The following PDXDC1 variants were observed in gnomAD, a reference collection of about 807,000 sequenced individuals.
PDXDC1 encodes pyridoxal dependent decarboxylase domain containing 1, also known as pyridoxal-dependent decarboxylase domain-containing protein 1.
A neutral mutation model predicts 100.1 loss-of-function variants in PDXDC1; 42 were observed. That is an observed-to-expected ratio of 0.42 (90% CI 0.33 to 0.54). The LOEUF is 0.54. Ranked by LOEUF, PDXDC1 falls within the 20% of genes least tolerant of loss-of-function variation. The pLI, the probability that PDXDC1 is intolerant of heterozygous loss-of-function variation, is 0.10. For missense variants in PDXDC1, 636 were observed against 979.2 expected (o/e 0.65, Z 4.68); for synonymous variants, 260 against 371.7 (o/e 0.70, Z 3.46).
chr16:15,077,746 C>CA (rs2045523870), intron 16 of PDXDC1, among the ~76,000 whole-genome samples: 1 of 152,214 alleles, frequency 6.6e-6, no homozygotes. Context: ...GAGGCTGAGG[C>CA]AGGAGAACTG....
chr16:15,074,992 A>G (rs2045390192), intron 16 of PDXDC1: 2 of 910,624 alleles, frequency 2.2e-6, no homozygotes, highest in Admixed American at 2.9e-5. Context: ...GCTCACATCT[A>G]TAAGCCCAGC....
downstream of PDXDC1, among the ~76,000 whole-genome samples, chr16:15,140,021 C>T (rs143711784): frequency 0.01 from 1,279 of 124,924 alleles, 25 homozygotes; most frequent in African/African-American, 0.036. Flanking sequence ...CACGTGAACC[C>T]GGGAGGCGAA....
chr16:15,101,379 C>T (rs1053954787), intron 16 of PDXDC1, among the ~76,000 whole-genome samples: 12 of 152,290 alleles, frequency 7.9e-5, no homozygotes, highest in African/African-American at 2.2e-4. Context: ...TGCAGTGGCA[C>T]GATCTCGGCT....
At chr16:15,061,032 A>G (rs2044691574) in intron 16 of PDXDC1, 1 of 152,130 alleles carries the variant, frequency 6.6e-6, no homozygotes, top group Non-Finnish European at 1.5e-5. Context: ...TGTCTTTTAA[A>G]TCCATTTTTT....
At chr16:15,092,754 A>T (rs1251616264) in intron 16 of PDXDC1, 1 of 634,622 alleles carries the variant, frequency 1.6e-6, no homozygotes, top group African/African-American at 1.8e-5. Flanking sequence ...ACTCTTAACC[A>T]ACAATCCTTC....
At chr16:15,125,237 T>C (rs208651) in intron 16 of PDXDC1, 73 of 560,892 alleles carry the variant, frequency 1.3e-4, no homozygotes, top group Middle Eastern at 9.4e-4. Context: ...AAGTGGGGGT[T>C]GTGCCGCAGA....
intron 16 of PDXDC1, among the ~76,000 whole-genome samples, chr16:15,099,780 T>C (rs991708715): frequency 2.0e-5 from 3 of 152,240 alleles, no homozygotes; most frequent in African/African-American, 7.2e-5. Flanking sequence ...TGTAATCAGC[T>C]TCTTCATTCC....
intron 8 of PDXDC1, among the ~76,000 whole-genome samples, chr16:15,012,155 G>A (rs182767462): frequency 1.3e-5 from 2 of 152,150 alleles, no homozygotes; most frequent in Non-Finnish European, 2.9e-5. Flanking sequence ...CCAGACTAGA[G>A]TGCAGTGGTG....
At chr16:15,060,955 T>C (rs1205912626) in intron 16 of PDXDC1, 1 of 152,272 alleles carries the variant, frequency 6.6e-6, no homozygotes, top group Admixed American at 6.5e-5. Context: ...TCCAATCTCA[T>C]GTGTTTTACA....
At chr16:15,145,111 A>G in the PDXDC1 span, among the ~76,000 whole-genome samples, 6 of 152,150 alleles carry the variant, frequency 3.9e-5, no homozygotes, top group Admixed American at 6.5e-5. Context: ...ACCATCCCCC[A>G]AACACCTCCC....
At chr16:15,044,412 CAA>C in intron 16 of PDXDC1, 1 of 1,609,942 alleles carries the variant, frequency 6.2e-7, no homozygotes. Context: ...TCCAGCCTGG[CAA>C]AGAGATGAGA....
intron 13 of PDXDC1, chr16:15,026,298 G>T (rs1184041291): frequency 9.0e-6 from 3 of 334,100 alleles, no homozygotes; most frequent in Non-Finnish European, 1.5e-5. Flanking sequence ...GAAAGCATGG[G>T]CTCTCTCCGC....
the PDXDC1 span, among the ~76,000 whole-genome samples, chr16:15,149,973 A>G: frequency 1.3e-5 from 2 of 152,304 alleles, no homozygotes; most frequent in East Asian, 3.9e-4. Flanking sequence ...AGACACAGCG[A>G]GAAATCCAGG....
rs546605215 is a variant in PDXDC1 at position 15,035,827 on chromosome 16, G to A, written c.2108-189G>A. Among the ~76,000 whole-genome samples the A allele has an allele frequency of 3.9e-5, 6 of 152,190 alleles. No homozygotes were observed. The South Asian group carries it at 8.3e-4, about 21-fold the overall frequency. On this transcript the variant is annotated intron_variant, in intron 22 of 22. Coordinates refer to ENST00000396410, the MANE Select transcript of PDXDC1 (RefSeq NM_015027.4). Reference sequence around the variant, plus strand: ...AATGAAGATGACCTTAGAGTTCCCCGGCCTGGGGAGCATGTTGGTGTCAAG... The same window carrying A: ...AATGAAGATGACCTTAGAGTTCCCCAGCCTGGGGAGCATGTTGGTGTCAAG...
intron 16 of PDXDC1, chr16:15,104,614 G>C (rs767211531): frequency 1.3e-6 from 2 of 1,598,970 alleles, no homozygotes; most frequent in Non-Finnish European, 8.5e-7. Flanking sequence ...GGTGTCTTGA[G>C]GCTCAGGGAG....
At chr16:15,057,087 G>A (rs1044996799) in intron 16 of PDXDC1, among the ~76,000 whole-genome samples, 2 of 152,086 alleles carry the variant, frequency 1.3e-5, no homozygotes, top group Non-Finnish European at 2.9e-5. Flanking sequence ...AGATACAGAG[G>A]AGCCACATGA....
chr16:15,022,791 C>T, intron 13 of PDXDC1, 37 bp downstream of exon 13: 2 of 1,528,082 alleles, frequency 1.3e-6, no homozygotes, highest in South Asian at 1.2e-5. Flanking sequence ...CAAAATATAA[C>T]TTTTTTTGAA....
chr16:15,016,642 G>C (rs57473091), intron 9 of PDXDC1, among the ~76,000 whole-genome samples: 6,176 of 151,478 alleles, frequency 0.041, 63 homozygotes, highest in African/African-American at 0.068. Context: ...TCTGATAGTT[G>C]AGGTTCTTTG....
chr16:15,072,630 C>G (rs943238991), intron 16 of PDXDC1, among the ~76,000 whole-genome samples: 2 of 152,072 alleles, frequency 1.3e-5, no homozygotes, highest in African/African-American at 4.8e-5. Flanking sequence ...TGGCGAAACC[C>G]CACCTCTTCT....
Sources: allele counts gnomAD v4.1 joint callset (sites outside exome capture counted in the v4.1 genomes callset), GRCh38; gene constraint gnomAD v4.1.1; transcripts MANE v1.5; gene names NCBI Gene and HGNC (gene_info 2026-07-23, HGNC 2026-07-21).